POLA1: variants seen among roughly 807,000 people sequenced by gnomAD.
POLA1 encodes the protein DNA polymerase alpha catalytic subunit.
In POLA1, 15 loss-of-function variants were observed where a neutral mutation model predicts 124.0. The ratio of observed to expected loss-of-function variants is 0.12; its 90% CI spans 0.08 to 0.19. The LOEUF is 0.19. POLA1 is among the 10% of genes least tolerant of loss of function. POLA1 has a pLI of 1.00. For synonymous variants in POLA1, 408 were observed against 389.4 expected, an observed-to-expected ratio of 1.05 and a Z score of -0.56; for missense variants, 886 against 1,103.4, an observed-to-expected ratio of 0.80 and a Z score of 2.79.
chrX:24,834,794 C>CA (rs2046319696), intron 32 of POLA1, among the ~76,000 whole-genome samples: 1 of 109,089 alleles, frequency 9.2e-6, no homozygotes, highest in Non-Finnish European at 1.9e-5. Context: ...AGCAAACAAA[C>CA]AAAAAAATAC....
At chrX:24,788,672 T>A (rs995987324) in intron 26 of POLA1, 1 of 1,201,986 alleles carries the variant, frequency 8.3e-7, no homozygotes. Context: ...AAGTGCAGGT[T>A]TTTTGGCTTT....
chrX:24,965,281 G>A (rs1230427148), intron 36 of POLA1, among the ~76,000 whole-genome samples: 1 of 112,219 alleles, frequency 8.9e-6, no homozygotes, highest in African/African-American at 3.2e-5. Context: ...TGAAGGATCA[G>A]CATGTTTTCT....
At position 24,996,036 on chromosome X, in the gene POLA1, A is replaced by G; in HGVS notation, c.*86A>G. On this transcript the variant is annotated 3_prime_UTR_variant, in exon 37 of 37. Coordinates refer to ENST00000379068, the MANE Select transcript of POLA1 (RefSeq NM_001330360.2). ...CCACTCTGGCCCTAAATGCTCCTCCAGCATCTGTTTCTCCCTTGGGACTGT... is the reference window on the plus strand; with the variant it reads ...CCACTCTGGCCCTAAATGCTCCTCCGGCATCTGTTTCTCCCTTGGGACTGT... The G allele has an allele frequency of 2.3e-6, 2 of 852,955 alleles. No individual in the cohort carries two copies. The highest frequency in any genetic ancestry group is 3.4e-6 in the Non-Finnish European group (2 of 591,193). 70.3% of individuals were successfully genotyped at this position (852,955 alleles called of 1,213,427 possible).
At chrX:24,931,798 G>C (rs1180343297) in intron 36 of POLA1, among the ~76,000 whole-genome samples, 8 of 112,420 alleles carry the variant, frequency 7.1e-5, no homozygotes, top group African/African-American at 9.7e-5. Flanking sequence ...AGACAGTTAT[G>C]AGTTGAGAAA....
intron 36 of POLA1, among the ~76,000 whole-genome samples, chrX:24,966,556 A>ATCTC (rs2048225845): frequency 3.6e-5 from 4 of 112,387 alleles, no homozygotes; most frequent in African/African-American, 9.7e-5. Flanking sequence ...AGAGTGACAA[A>ATCTC]ATATGTTTTA....
intron 1 of POLA1, among the ~76,000 whole-genome samples, chrX:24,695,374 T>C (rs1927911535): frequency 8.9e-6 from 1 of 111,767 alleles, no homozygotes; most frequent in Non-Finnish European, 1.9e-5. Flanking sequence ...GTAGGCTTTT[T>C]TTTTTCTTCA....
intron 15 of POLA1, among the ~76,000 whole-genome samples, chrX:24,730,246 T>G (rs769565482): frequency 2.1e-4 from 23 of 111,232 alleles, no homozygotes; most frequent in Non-Finnish European, 3.6e-4. Context: ...TTTCTTTTTT[T>G]TTCTTTTTTT....
At chrX:24,897,345 C>G (rs2047218834) in intron 35 of POLA1, among the ~76,000 whole-genome samples, 1 of 86,197 alleles carries the variant, frequency 1.2e-5, no homozygotes, top group African/African-American at 4.5e-5. Flanking sequence ...ATGCCTTCCT[C>G]TTCTCTTCAC....
intron 26 of POLA1, among the ~76,000 whole-genome samples, chrX:24,799,106 T>C (rs146247596): frequency 1.2e-4 from 14 of 112,333 alleles, no homozygotes; most frequent in African/African-American, 4.5e-4. Context: ...AATTACCCTC[T>C]GAGGTATTGG....
At chrX:24,780,412 T>C (rs1241950224) in intron 26 of POLA1, among the ~76,000 whole-genome samples, 2 of 112,853 alleles carry the variant, frequency 1.8e-5, no homozygotes, top group Admixed American at 9.3e-5. Context: ...GCATTAAGTA[T>C]GTTGTCAGCT....
chrX:24,770,417 G>A (rs927470721), intron 26 of POLA1, among the ~76,000 whole-genome samples: 1 of 112,030 alleles, frequency 8.9e-6, no homozygotes, highest in Non-Finnish European at 1.9e-5. Context: ...ATCTCTTACT[G>A]TGAGATCCAT....
intron 34 of POLA1, among the ~76,000 whole-genome samples, chrX:24,858,059 G>GT (rs1205293388): frequency 8.9e-6 from 1 of 111,989 alleles, no homozygotes; most frequent in Non-Finnish European, 1.9e-5. Flanking sequence ...TAAGAAGGGA[G>GT]TTAAATTTCT....
In POLA1 at chrX:24,973,446, G is replaced by T. The variant is rs11573516; in HGVS notation, c.4262-22359G>T. On this transcript the variant is annotated intron_variant, in intron 36 of 36. Transcript: ENST00000379068. ...GAAAAAAGAAAGTCCTCCAATGTTTGTGCCTAGGCCTGAACCTCCTAGATT... is the reference window on the plus strand; with the variant it reads ...GAAAAAAGAAAGTCCTCCAATGTTTTTGCCTAGGCCTGAACCTCCTAGATT... Among the ~76,000 whole-genome samples, 460 of 111,853 alleles carry T rather than the reference G, an allele frequency of 4.1e-3. 6 individuals are homozygous for T. The highest frequency in any genetic ancestry group is 0.03 in the Admixed American group (318 of 10,606).
At chrX:24,835,624 T>A (rs1228549714) in intron 32 of POLA1, among the ~76,000 whole-genome samples, 3 of 110,670 alleles carry the variant, frequency 2.7e-5, no homozygotes, top group Non-Finnish European at 3.8e-5. Context: ...TTTTGTCCTA[T>A]AGAATTTTTC....
intron 36 of POLA1, among the ~76,000 whole-genome samples, chrX:24,979,071 C>G (rs1379213646): frequency 8.9e-6 from 1 of 112,246 alleles, no homozygotes; most frequent in Non-Finnish European, 1.9e-5. Flanking sequence ...GTCTATTCCT[C>G]TTTTTCCCTT....
rs2047753586 is a variant in POLA1, at chrX:24,930,141, C to T, written c.4165-312C>T. Among the ~76,000 whole-genome samples, 5 of 112,350 alleles carry T rather than the reference C, an allele frequency of 4.5e-5. No homozygotes were observed. The Admixed American group carries it at 4.7e-4, about 11-fold the overall frequency. ...ATAGCACTTTTCCCAATTAACAGTG[C>T]AAATTGTCATGAGTGCATAGGAATT... On this transcript the variant is annotated intron_variant, in intron 35 of 36. Coordinates refer to ENST00000379068, the MANE Select transcript of POLA1 (RefSeq NM_001330360.2).
chrX:24,972,363 T>C (rs2048314421), intron 36 of POLA1, among the ~76,000 whole-genome samples: 1 of 112,314 alleles, frequency 8.9e-6, no homozygotes, highest in South Asian at 3.7e-4. Flanking sequence ...GTGGGTATTA[T>C]TATGGTGGTG....
rs1269276463 is a variant in POLA1 at position 24,801,920 on chromosome X, GGTGGGTGT to G, written c.2965-7974_2965-7967del. On this transcript the variant is annotated intron_variant, in intron 26 of 36. Coordinates refer to ENST00000379068, the MANE Select transcript of POLA1 (RefSeq NM_001330360.2). The stretch of plus-strand genomic sequence containing the variant: ...AGAAACAGAGCCACTAGGAGAGGTG[GGTGGGTGT>G]GTGTGTGTGTGTGTGTGTGTGTGTG... Among the ~76,000 whole-genome samples, 5 of 47,511 alleles carry G rather than the reference GGTGGGTGT, an allele frequency of 1.1e-4. 1 individual carries two copies. Among genetic ancestry groups the G allele is most frequent in the African/African-American group, 5.4e-4 (5 of 9,285 alleles). The allele number at this position is 47,511 out of a possible 115,157, so 41.3% of individuals were successfully genotyped here. A position where few individuals can be genotyped will look rare whatever the true frequency, so the allele number is the denominator to read the frequency against.
chrX:24,963,622 A>G (rs1041873713), intron 36 of POLA1, among the ~76,000 whole-genome samples: 1 of 111,971 alleles, frequency 8.9e-6, no homozygotes, highest in African/African-American at 3.2e-5. Flanking sequence ...TTTAAAGAGT[A>G]AGTATGTAGA....
Sources: allele counts gnomAD v4.1 joint callset (sites outside exome capture counted in the v4.1 genomes callset), GRCh38; gene constraint gnomAD v4.1.1; transcripts MANE v1.5; gene names NCBI Gene and HGNC (gene_info 2026-07-23, HGNC 2026-07-21).